The following DYSF variants were observed in gnomAD, a reference collection of about 807,000 sequenced individuals.
The protein encoded by DYSF is dystrophy-associated fer-1-like 1.
Under a neutral mutation model 274.9 loss-of-function variants are expected in DYSF, and 212 were observed. That is an observed-to-expected ratio of 0.77 (90% confidence interval 0.69 to 0.86). The LOEUF (loss-of-function observed/expected upper bound fraction) is 0.86, where lower values mean the gene tolerates loss of function less well. Ranked by LOEUF, DYSF falls within the 40% of genes least tolerant of loss-of-function variation. The pLI is 0.00. For synonymous variants in DYSF, 1,091 were observed against 1,078.7 expected, an observed-to-expected ratio of 1.01 and a Z score of -0.22; for missense variants, 2,666 against 2,783.2, an observed-to-expected ratio of 0.96 and a Z score of 0.95.
At chr2:71,477,633 C>T (rs965937461) in intron 1 of DYSF, among the ~76,000 whole-genome samples, 2 of 152,180 alleles carry the variant, frequency 1.3e-5, no homozygotes, top group Non-Finnish European at 1.5e-5. Context: ...ACTGACTGAA[C>T]AAAAATTTTC....
chr2:71,665,419 T>A lies in DYSF; in HGVS notation c.5317+115T>A. 6 of 1,390,350 alleles carry A rather than the reference T, an allele frequency of 4.3e-6. No individual in the cohort carries two copies. The South Asian group carries it at 7.1e-5, about 17-fold the overall frequency. The allele number at this position is 1,390,350 out of a possible 1,614,324, so 86.1% of individuals were successfully genotyped here. The stretch of plus-strand genomic sequence containing the variant: ...GCGGACATAACCCACAGCAGCAGGC[T>A]GTGGGTCTCTCCAGGGCAGCACAGA... On this transcript the variant is annotated intron_variant, in intron 47 of 55. Transcript: ENST00000410020.
At chr2:71,535,570 G>A (rs936887738) in intron 16 of DYSF, among the ~76,000 whole-genome samples, 7 of 152,096 alleles carry the variant, frequency 4.6e-5, no homozygotes, top group Non-Finnish European at 5.9e-5. Flanking sequence ...CTTCCTGGAG[G>A]AGGTGGGGCA....
chr2:71,548,692 C>A (rs543507495), intron 17 of DYSF, among the ~76,000 whole-genome samples: 1 of 152,186 alleles, frequency 6.6e-6, no homozygotes, highest in Non-Finnish European at 1.5e-5. Flanking sequence ...AAGTGTGTAG[C>A]GTGTTCAGCT....
intron 32 of DYSF, 100 bp downstream of exon 32, chr2:71,590,388 C>T (rs1467377839): frequency 7.7e-7 from 1 of 1,303,520 alleles, no homozygotes; most frequent in Admixed American, 1.7e-5. Context: ...TTGCTGGGTG[C>T]ATGGAGATGG....
chr2:71,511,891 C>G lies in DYSF; in HGVS notation c.430C>G (p.Pro144Ala), dbSNP rs1466814284. ...GCCCCCTACTCCTCTGGAGCCCTCCCCGACTCTGCCTGACCTGGATGTAGT... is the reference window on the plus strand; with the variant it reads ...GCCCCCTACTCCTCTGGAGCCCTCCGCGACTCTGCCTGACCTGGATGTAGT... ...FPPPTPLEPS[P>A]TLPDLDVVAG... Residue 144 changes from proline (P) to alanine (A), a missense_variant, in exon 5 of 56, where the codon CCG (proline) becomes GCG (alanine). This residue lies in a region of DYSF where 794 missense variants were observed against 777.1 expected (regional missense o/e 1.02). Coordinates refer to ENST00000410020, the MANE Select transcript of DYSF (RefSeq NM_001130987.2). 1.9e-6 allele frequency: 3 copies of G among 1,551,344 alleles called. No individual in the cohort carries two copies. The highest frequency in any genetic ancestry group is 2.4e-5 in the South Asian group (2 of 84,032).
exon 1 of DYSF, chr2:71,453,753 G>C (rs924139676): frequency 1.8e-5 from 10 of 570,286 alleles, no homozygotes; most frequent in African/African-American, 7.5e-5. Context: ...CCCTGTTCTC[G>C]GAACGCCGGC....
intron 41 of DYSF, among the ~76,000 whole-genome samples, chr2:71,634,908 C>G (rs936628017): frequency 2.0e-5 from 3 of 152,324 alleles, no homozygotes; most frequent in Middle Eastern, 6.8e-3. Context: ...TTTCCTGGCT[C>G]TTTCTCTCTC....
chr2:71,628,117 C>T (rs901553187), intron 41 of DYSF, among the ~76,000 whole-genome samples: 2 of 151,886 alleles, frequency 1.3e-5, no homozygotes, highest in African/African-American at 4.8e-5. Flanking sequence ...TTAAAATATT[C>T]CCCTCCTTTT....
At chr2:71,616,856 T>C (rs1351127588) in intron 40 of DYSF, among the ~76,000 whole-genome samples, 5 of 152,210 alleles carry the variant, frequency 3.3e-5, no homozygotes, top group African/African-American at 1.2e-4. Context: ...CTGTCTCTGA[T>C]TCTGTCTCTG....
At position 71,570,663 on chromosome 2, in the gene DYSF, G is replaced by T. The variant is rs529077809; in HGVS notation, c.3150G>T (p.Lys1050Asn). The change falls in exon 29 of 56, where the codon AAG becomes AAT. Residue 1050 changes from lysine to asparagine, a missense_variant. By Grantham distance (94) the Lys-to-Asn change is moderately conservative. This residue lies in a region of DYSF where 1,460 missense variants were observed against 1,502.1 expected (regional missense o/e 0.97). Transcript: ENST00000410020. ...CGAAGCACTGGGTCCCTGCTGAGAA[G>T]ATGTACTACACACACCGACGGCGGC... ...RKPKHWVPAE[K>N]MYYTHRRRRW... is the part of the protein sequence containing the mutation. 1 of 1,614,116 alleles carries T rather than the reference G, an allele frequency of 6.2e-7. No homozygotes were observed. Among genetic ancestry groups the T allele is most frequent in the Non-Finnish European group, 8.5e-7 (1 of 1,179,998 alleles).
At chr2:71,535,238 T>C (rs993298260) in intron 15 of DYSF, 30 bp from the exon 16 acceptor site, 2 of 1,612,478 alleles carry the variant, frequency 1.2e-6, no homozygotes, top group African/African-American at 2.7e-5. Flanking sequence ...AAAGGACTCT[T>C]CTCCCAACAC....
intron 32 of DYSF, among the ~76,000 whole-genome samples, chr2:71,594,065 A>G (rs925212285): frequency 5.3e-5 from 8 of 152,124 alleles, no homozygotes; most frequent in African/African-American, 1.9e-4. Context: ...AGGTGATCCT[A>G]TGGGATGGTC....
rs2152814096 is a variant in DYSF at position 71,569,923 on chromosome 2, T to A, written c.2968T>A (p.Tyr990Asn). ...CCAGTGGATCTACATGAGTGACAACTACACCGATGTGGTAAAGCAGGCACT... is the reference window on the plus strand; with the variant it reads ...CCAGTGGATCTACATGAGTGACAACAACACCGATGTGGTAAAGCAGGCACT... ...GGQWIYMSDNYTDVNGEKVLP... is the reference protein window; with the variant it reads ...GGQWIYMSDNNTDVNGEKVLP... The change falls in exon 27 of 56, where the codon TAC becomes AAC. Residue 990 changes from tyrosine to asparagine, a missense_variant. Transcript: ENST00000410020. 2 of 1,613,990 alleles carry A rather than the reference T, an allele frequency of 1.2e-6. No individual in the cohort carries two copies. Among genetic ancestry groups the A allele is most frequent in the Non-Finnish European group, 1.7e-6 (2 of 1,179,934 alleles).
intron 45 of DYSF, among the ~76,000 whole-genome samples, chr2:71,662,433 T>C (rs1421210755): frequency 1.3e-5 from 2 of 151,822 alleles, no homozygotes; most frequent in Non-Finnish European, 1.5e-5. Context: ...TATGTGTGTA[T>C]GTATGTGTGT....
rs112286757 is a variant in DYSF at position 71,517,057 on chromosome 2, A to G, written c.1002+18A>G. On this transcript the variant is annotated intron_variant, in intron 10 of 55. Transcript: ENST00000410020. ...AGTTCCGGGTAATTGCTTATTTTCT[A>G]TGAAAGCAGTCAGTTCTCACTTCTC... 228 of 1,613,344 alleles carry G rather than the reference A, an allele frequency of 1.4e-4. No homozygotes were observed. Among genetic ancestry groups the G allele is most frequent in the Non-Finnish European group, 1.8e-4 (210 of 1,179,334 alleles).
rs755108809 is a variant in DYSF, at chr2:71,665,251, A to T, written c.5264A>T (p.Tyr1755Phe). ...CQQHRVKAPVYRTDRVMFQDK... is the reference protein window; with the variant it reads ...CQQHRVKAPVFRTDRVMFQDK... ...CAGCATAGAGTCAAGGCACCTGTGT[A>T]CCGGACAGACCGTGTAATGTTTCAG... Residue 1755 changes from tyrosine to phenylalanine, a missense_variant, in exon 47 of 56, where the codon TAC becomes TTC. Physicochemically the swap from Tyr to Phe is conservative, Grantham distance 22. This residue lies in a region of DYSF where 1,460 missense variants were observed against 1,502.1 expected (regional missense o/e 0.97). Coordinates refer to ENST00000410020, the MANE Select transcript of DYSF (RefSeq NM_001130987.2). 3.4e-5 allele frequency: 55 copies of T among 1,614,078 alleles called. No homozygotes were observed. The highest frequency in any genetic ancestry group is 3.3e-4 in the Middle Eastern group (2 of 6,082).
intron 45 of DYSF, among the ~76,000 whole-genome samples, chr2:71,662,102 C>G (rs944442838): frequency 6.6e-6 from 1 of 152,212 alleles, no homozygotes; most frequent in Non-Finnish European, 1.5e-5. Flanking sequence ...CCCATCTCCC[C>G]CCAATCCTGG....
Position 71,571,371 on chromosome 2 carries a change from T to C in DYSF, c.3228+630T>C, listed in dbSNP as rs538810130. Among the ~76,000 whole-genome samples the C allele has an allele frequency of 7.3e-3, 353 of 48,350 alleles. 1 individual carries two copies. The highest frequency in any genetic ancestry group is 0.05 in the East Asian group (62 of 1,250). 31.7% of individuals were successfully genotyped at this position (48,350 alleles called of 152,430 possible). On this transcript the variant is annotated intron_variant, in intron 29 of 55. Coordinates refer to ENST00000410020, the MANE Select transcript of DYSF (RefSeq NM_001130987.2). ...ACACCCACAGATCACACCCAGCACA[T>C]GCACAGATCACAGTCAGCACACACA...
chr2:71,473,860 T>C (rs1289286722), intron 1 of DYSF, among the ~76,000 whole-genome samples: 1 of 151,532 alleles, frequency 6.6e-6, no homozygotes, highest in Non-Finnish European at 1.5e-5. Context: ...CATTGAACAC[T>C]AACTCCCTAT....
Sources: gnomAD v4.1 joint callset for allele counts (sites outside exome capture counted in the v4.1 genomes callset) on GRCh38, gnomAD v4.1.1 for gene constraint, gnomAD v4.1.1 regional missense constraint, MANE v1.5 for transcripts, NCBI Gene and HGNC (gene_info 2026-07-23, HGNC 2026-07-21) for gene names.